PTPRN2: variants seen among roughly 807,000 people sequenced by gnomAD.
The protein encoded by PTPRN2 is receptor-type tyrosine-protein phosphatase N2.
Under a neutral mutation model 118.8 loss-of-function variants are expected in PTPRN2, and 74 were observed. The ratio of observed to expected loss-of-function variants is 0.62; its 90% CI spans 0.52 to 0.76. PTPRN2 has a LOEUF of 0.76. Ranked by LOEUF, PTPRN2 falls within the 30% of genes least tolerant of loss-of-function variation. PTPRN2 has a pLI of 0.00. For missense variants in PTPRN2, 1,481 were observed against 1,394.4 expected (o/e 1.06, Z -0.99); for synonymous variants, 641 against 608.0 (o/e 1.05, Z -0.80).
intron 12 of PTPRN2, among the ~76,000 whole-genome samples, chr7:157,814,509 C>A (rs116808542): frequency 0.14 from 17,018 of 121,646 alleles, 1,993 homozygotes; most frequent in African/African-American, 0.34. Flanking sequence ...CGGGGCAGGA[C>A]GGGGCAGGAC....
At chr7:158,431,239 G>A (rs940989524) in intron 2 of PTPRN2, among the ~76,000 whole-genome samples, 1 of 147,682 alleles carries the variant, frequency 6.8e-6, no homozygotes, top group Non-Finnish European at 1.5e-5. Flanking sequence ...TATACACTGG[G>A]CTCACACTGG....
rs79422776 is a variant in PTPRN2, at chr7:158,200,128, G to A, written c.380+5043C>T. On this transcript the variant is annotated intron_variant, in intron 4 of 22. Transcript: ENST00000389418. ...ATCAGTCCCCTTGCTGCTATAACTCGCCCTCCGACCTGACCCAAGGGGCTT... is the reference window on the plus strand; with the variant it reads ...ATCAGTCCCCTTGCTGCTATAACTCACCCTCCGACCTGACCCAAGGGGCTT... Among the ~76,000 whole-genome samples, 1,354 of 152,176 alleles carry A rather than the reference G, an allele frequency of 8.9e-3. 24 individuals are homozygous for A. The highest frequency in any genetic ancestry group is 0.031 in the African/African-American group (1,281 of 41,516).
intron 1 of PTPRN2, among the ~76,000 whole-genome samples, chr7:158,528,514 C>T (rs1410994917): frequency 6.6e-6 from 1 of 151,966 alleles, no homozygotes; most frequent in East Asian, 1.9e-4. Context: ...GGGCCAGGCT[C>T]GGTGGCTCAC....
chr7:157,737,599 C>T (rs2886773), intron 12 of PTPRN2, among the ~76,000 whole-genome samples: 5,735 of 152,350 alleles, frequency 0.038, 220 homozygotes, highest in East Asian at 0.13. Flanking sequence ...TGGGCCCAGG[C>T]GCTCCCATTC....
chr7:158,510,077 C>G lies in PTPRN2; in HGVS notation c.113-20292G>C, dbSNP rs2129446961. On this transcript the variant is annotated intron_variant, in intron 1 of 22. Transcript: ENST00000389418. ...GAGACAGTGTTCGCAGATCTTGGAT[C>G]AGTGGAGACACCCTGAGAGAGACAC... Among the ~76,000 whole-genome samples the G allele has an allele frequency of 1.3e-5, 2 of 152,320 alleles. 1 individual carries two copies. The highest frequency in any genetic ancestry group is 4.1e-4 in the South Asian group (2 of 4,826).
In PTPRN2 at chr7:157,874,432, G is replaced by T. The variant is rs1795587539; in HGVS notation, c.1788+24241C>A. Among the ~76,000 whole-genome samples the T allele has an allele frequency of 6.6e-6, 1 of 152,168 alleles. No individual in the cohort carries two copies. Among genetic ancestry groups the T allele is most frequent in the Non-Finnish European group, 1.5e-5 (1 of 68,026 alleles). Reference sequence around the variant, plus strand: ...CTCTCTCCTGCCCTGCCCCGATCCTGCCTCTGCTTCTGTCCACATGGCCCC... The same window carrying T: ...CTCTCTCCTGCCCTGCCCCGATCCTTCCTCTGCTTCTGTCCACATGGCCCC... On this transcript the variant is annotated intron_variant, in intron 12 of 22. Coordinates refer to ENST00000389418, the MANE Select transcript of PTPRN2 (RefSeq NM_002847.5). The surrounding 1 kb of genome is among the most constrained non-coding windows in gnomAD (Gnocchi z 5.8).
intron 12 of PTPRN2, among the ~76,000 whole-genome samples, chr7:157,810,641 C>T (rs1315885047): frequency 1.8e-4 from 20 of 112,234 alleles, no homozygotes; most frequent in South Asian, 1.8e-3. Flanking sequence ...GGGACGGGGA[C>T]GGGAACGGCG....
At chr7:158,513,273 C>T (rs73510506) in intron 1 of PTPRN2, among the ~76,000 whole-genome samples, 72 of 152,316 alleles carry the variant, frequency 4.7e-4, no homozygotes, top group African/African-American at 1.6e-3. Flanking sequence ...GGACATTCTA[C>T]AGACTGACCA....
Position 158,503,581 on chromosome 7 carries a change from A to G in PTPRN2, c.113-13796T>C, listed in dbSNP as rs1284307439. On this transcript the variant is annotated intron_variant, in intron 1 of 22. Coordinates refer to ENST00000389418, the MANE Select transcript of PTPRN2 (RefSeq NM_002847.5). ...GAATGGAGGACTTGGAAGTAACAGTACCGAACACTGATGATTCTACTGAGA... is the reference window on the plus strand; with the variant it reads ...GAATGGAGGACTTGGAAGTAACAGTGCCGAACACTGATGATTCTACTGAGA... Among the ~76,000 whole-genome samples, 3 of 152,370 alleles carry G rather than the reference A, an allele frequency of 2.0e-5. No individual in the cohort carries two copies. In the East Asian group the frequency reaches 5.8e-4, roughly 29 times the overall value.
rs1798648270 is a variant in PTPRN2 at position 157,711,936 on chromosome 7, T to TC, written c.1789-29000_1789-28999insG. Among the ~76,000 whole-genome samples the TC allele has an allele frequency of 5.3e-5, 5 of 94,728 alleles. No homozygotes were observed. The South Asian group carries it at 1.1e-3, about 21-fold the overall frequency. The allele number at this position is 94,728 out of a possible 152,430, so 62.1% of individuals were successfully genotyped here. A position where few individuals can be genotyped will look rare whatever the true frequency, so the allele number is the denominator to read the frequency against. On this transcript the variant is annotated intron_variant, in intron 12 of 22. Transcript: ENST00000389418. ...TGGGGGGCCATGCAGGCCACATGAG[T>TC]GGGGGGAGGGGCTGCGTGGTGGAAG...
intron 12 of PTPRN2, among the ~76,000 whole-genome samples, chr7:157,816,815 C>T (rs1190329017): frequency 6.6e-6 from 1 of 152,238 alleles, no homozygotes; most frequent in Non-Finnish European, 1.5e-5. Flanking sequence ...GGCCCCCTCT[C>T]TTGCCCCACA....
At position 157,780,405 on chromosome 7, in the gene PTPRN2, C is replaced by G. The variant is rs1230615814; in HGVS notation, c.1789-97468G>C. On this transcript the variant is annotated intron_variant, in intron 12 of 22. Transcript: ENST00000389418. The surrounding 1 kb of genome is among the most constrained non-coding windows in gnomAD (Gnocchi z 4.5). ...AGGGGTGGCGGCTGCTCAGCGAGGC[C>G]TCAGGAGTGTGAAGGAGGCTTGGCT... Among the ~76,000 whole-genome samples, 2 of 152,188 alleles carry G rather than the reference C, an allele frequency of 1.3e-5. No homozygotes were observed. The highest frequency in any genetic ancestry group is 2.4e-5 in the African/African-American group (1 of 41,458).
intron 2 of PTPRN2, among the ~76,000 whole-genome samples, chr7:158,333,953 G>T (rs1192903861): frequency 5.2e-5 from 1 of 19,288 alleles, no homozygotes; most frequent in African/African-American, 2.2e-4. Context: ...CGCCCGCAGA[G>T]GTCACTCACA....
chr7:158,571,152 T>C (rs559432485), intron 1 of PTPRN2, among the ~76,000 whole-genome samples: 36 of 152,240 alleles, frequency 2.4e-4, no homozygotes, highest in Admixed American at 9.2e-4. Flanking sequence ...TTGCTTATTT[T>C]TTTTTAATTA....
Position 157,656,369 on chromosome 7 carries a change from G to T in PTPRN2, c.2184C>A (p.Gly728=), listed in dbSNP as rs140851646. 7.7e-3 allele frequency: 11,943 copies of T among 1,550,326 alleles called. 61 individuals are homozygous for T. The highest frequency in any genetic ancestry group is 9.6e-3 in the Non-Finnish European group (11,009 of 1,146,120). ...AGACTGGGCTTACCAGGATCATGTGGCCGGTGGAGATGTCCATGTTGGACT... is the reference window on the plus strand; with the variant it reads ...AGACTGGGCTTACCAGGATCATGTGTCCGGTGGAGATGTCCATGTTGGACT... The part of the protein sequence containing the change: ...PVQSNMDIST[G]HMILSYMEDH... Residue 728 remains glycine (G), a synonymous_variant, in exon 14 of 23, where the codon GGC becomes GGA. Coordinates refer to ENST00000389418, the MANE Select transcript of PTPRN2 (RefSeq NM_002847.5).
intron 12 of PTPRN2, among the ~76,000 whole-genome samples, chr7:157,810,785 G>C (rs1004004181): frequency 6.7e-6 from 1 of 150,278 alleles, no homozygotes; most frequent in Non-Finnish European, 1.5e-5. Flanking sequence ...CTCTCCACAA[G>C]GACGGCAGGA....
At position 158,088,299 on chromosome 7, in the gene PTPRN2, CCTT is replaced by C. The variant is rs1204432472; in HGVS notation, c.1644-6925_1644-6923del. ...ATGAAAGAGGGAGTCTTCACACAAA[CCTT>C]CTTCCCCTGATGAAAGAGGGAGTCT... is the stretch of plus-strand genomic sequence containing the variant. On this transcript the variant is annotated intron_variant, in intron 10 of 22. Transcript: ENST00000389418. Among the ~76,000 whole-genome samples, 2 of 32,460 alleles carry C rather than the reference CCTT, an allele frequency of 6.2e-5. 1 individual carries two copies. The highest frequency in any genetic ancestry group is 1.1e-4 in the African/African-American group (2 of 18,114). The allele number at this position is 32,460 out of a possible 152,430, so 21.3% of individuals were successfully genotyped here. A position where few individuals can be genotyped will look rare whatever the true frequency, so the allele number is the denominator to read the frequency against.
chr7:157,737,617 C>T (rs1001537306), intron 12 of PTPRN2, among the ~76,000 whole-genome samples: 3 of 152,264 alleles, frequency 2.0e-5, no homozygotes, highest in Admixed American at 6.5e-5. Context: ...TTCGTACTCA[C>T]GGTCCTGAGT....
In PTPRN2 at chr7:157,632,739, A is replaced by T. The variant is rs753957323; in HGVS notation, c.2197-11230T>A. Reference sequence around the variant, plus strand: ...AGAATTTTAAATGAACAATTTTATGAATCTTATTATCTTATTTAACATCTT... The same window carrying T: ...AGAATTTTAAATGAACAATTTTATGTATCTTATTATCTTATTTAACATCTT... On this transcript the variant is annotated intron_variant, in intron 14 of 22. Coordinates refer to ENST00000389418, the MANE Select transcript of PTPRN2 (RefSeq NM_002847.5). This position sits in a 1 kb window ranked among gnomAD's most constrained non-coding sequence, Gnocchi z 4.3. Among the ~76,000 whole-genome samples, 3 of 152,246 alleles carry T rather than the reference A, an allele frequency of 2.0e-5. No individual in the cohort carries two copies. Among genetic ancestry groups the T allele is most frequent in the Non-Finnish European group, 2.9e-5 (2 of 68,046 alleles).
Sources: allele counts gnomAD v4.1 joint callset (sites outside exome capture counted in the v4.1 genomes callset), GRCh38; gene constraint gnomAD v4.1.1; non-coding constraint Gnocchi (gnomAD v3.1); transcripts MANE v1.5; gene names NCBI Gene and HGNC (gene_info 2026-07-23, HGNC 2026-07-21).